DNAH8: variants seen among roughly 807,000 people sequenced by gnomAD.
DNAH8 encodes the protein axonemal beta dynein heavy chain 8.
A neutral mutation model predicts 562.1 loss-of-function variants in DNAH8; 382 were observed. The observed-to-expected ratio is 0.68, with a 90% confidence interval of 0.63 to 0.74. The LOEUF (loss-of-function observed/expected upper bound fraction) is 0.74. Among genes scored for constraint, DNAH8 ranks in the 30% least tolerant of loss-of-function variants. DNAH8 has a pLI of 0.00. For synonymous variants in DNAH8, 1,881 were observed against 1,919.4 expected, an observed-to-expected ratio of 0.98 and a Z score of 0.52; for missense variants, 5,203 against 5,620.4, an observed-to-expected ratio of 0.93 and a Z score of 2.37.
chr6:38,965,394 A>T (rs1239269433), intron 82 of DNAH8, among the ~76,000 whole-genome samples: 2 of 152,160 alleles, frequency 1.3e-5, no homozygotes, highest in Non-Finnish European at 2.9e-5. Context: ...GGGATTGTGG[A>T]TTATGCATAT....
rs181153405 is a variant in DNAH8, at chr6:38,887,625, T to C, written c.8473+621T>C. 9.6e-4 allele frequency among the ~76,000 whole-genome samples: 146 copies of C among 152,158 alleles called. 1 individual carries two copies. The highest frequency in any genetic ancestry group is 3.2e-3 in the African/African-American group (133 of 41,518). The stretch of plus-strand genomic sequence containing the variant: ...GGAAGGCTGAGGCCAGAGGATTGCT[T>C]GAGCCTAGGAGGTCAAGGCTGCAGT... On this transcript the variant is annotated intron_variant, in intron 57 of 92. Coordinates refer to ENST00000327475, the MANE Select transcript of DNAH8 (RefSeq NM_001206927.2).
chr6:38,795,819 T>C (rs1340095563), intron 21 of DNAH8, among the ~76,000 whole-genome samples: 2 of 152,254 alleles, frequency 1.3e-5, no homozygotes, highest in South Asian at 4.1e-4. Context: ...ACACAATATA[T>C]GTAACATTAA....
Position 38,931,938 on chromosome 6 carries a change from C to G in DNAH8, c.11402C>G (p.Thr3801Arg), listed in dbSNP as rs746729551. 12 of 1,610,084 alleles carry G rather than the reference C, an allele frequency of 7.5e-6. No homozygotes were observed. The South Asian group carries it at 1.1e-4, about 15-fold the overall frequency. ...ACGTCAGTCATTGATTTCACTGTTA[C>G]AATGAAAGGACTTGAGAATCAGTTA... ...AKTSVIDFTV[T>R]MKGLENQLLR... Residue 3801 changes from threonine (T) to arginine (R), a missense_variant, in exon 76 of 93, where the codon ACA (threonine) becomes AGA (arginine). By Grantham distance (71) the Thr-to-Arg change is moderately conservative. Around this residue, in one of 6 missense-constraint regions of DNAH8, gnomAD observed 1,399 missense variants for 1,518.4 expected, o/e 0.92. Coordinates refer to ENST00000327475, the MANE Select transcript of DNAH8 (RefSeq NM_001206927.2).
At chr6:38,930,032 T>C (rs1489210886) in intron 75 of DNAH8, among the ~76,000 whole-genome samples, 1 of 152,178 alleles carries the variant, frequency 6.6e-6, no homozygotes, top group Non-Finnish European at 1.5e-5. Flanking sequence ...ACTCTAGATA[T>C]TGGTTTTGCA....
intron 50 of DNAH8, 52 bp downstream of exon 50, chr6:38,872,834 C>G: frequency 6.2e-7 from 1 of 1,608,204 alleles, no homozygotes; most frequent in South Asian, 1.1e-5. Flanking sequence ...CGTATTAACA[C>G]AGTATTTTTT....
intron 54 of DNAH8, 101 bp from the exon 55 acceptor site, chr6:38,883,221 T>C: frequency 7.2e-7 from 1 of 1,381,006 alleles, no homozygotes; most frequent in Non-Finnish European, 9.7e-7. Flanking sequence ...TTATTAAAAA[T>C]TAGTTGTATT....
chr6:38,957,877 A>AC (rs1165866608), intron 82 of DNAH8, among the ~76,000 whole-genome samples: 3 of 151,268 alleles, frequency 2.0e-5, no homozygotes, highest in East Asian at 1.9e-4. Flanking sequence ...AAAAAAAAAA[A>AC]AAAAAAAAAA....
At chr6:38,997,715 A>G (rs1053682676) in intron 88 of DNAH8, among the ~76,000 whole-genome samples, 1 of 152,096 alleles carries the variant, frequency 6.6e-6, no homozygotes, top group African/African-American at 2.4e-5. Flanking sequence ...TTATCTGACC[A>G]TCCATGGTGT....
At chr6:38,729,714 T>C (rs1481611894) in intron 3 of DNAH8, among the ~76,000 whole-genome samples, 188 bp from the exon 4 acceptor site, 2 of 152,224 alleles carry the variant, frequency 1.3e-5, no homozygotes, top group Non-Finnish European at 2.9e-5. Context: ...AGGTCATTAA[T>C]GTAGGTTCAG....
At chr6:38,745,822 T>C (rs536228200) in intron 8 of DNAH8, among the ~76,000 whole-genome samples, 17 of 152,326 alleles carry the variant, frequency 1.1e-4, no homozygotes, top group African/African-American at 4.1e-4. Context: ...TGTCTGATGG[T>C]TTCTCGTGAA....
At chr6:38,736,066 A>G (rs1429098887) in intron 5 of DNAH8, among the ~76,000 whole-genome samples, 1 of 152,116 alleles carries the variant, frequency 6.6e-6, no homozygotes, top group African/African-American at 2.4e-5. Flanking sequence ...TGAGTCCCCA[A>G]GGCAGAGGTT....
intron 87 of DNAH8, among the ~76,000 whole-genome samples, chr6:38,988,678 T>C (rs1436325482): frequency 4.6e-5 from 7 of 152,164 alleles, no homozygotes; most frequent in Non-Finnish European, 1.0e-4. Context: ...GTCCACCCTA[T>C]ATTCCATTAT....
intron 4 of DNAH8, among the ~76,000 whole-genome samples, chr6:38,734,155 C>T (rs536396741): frequency 4.5e-4 from 69 of 151,732 alleles, no homozygotes; most frequent in African/African-American, 1.6e-3. Context: ...GATGTGGTGG[C>T]ACACGCATGT....
chr6:39,020,278 C>T (rs1007244875), intron 91 of DNAH8, among the ~76,000 whole-genome samples: 3 of 152,126 alleles, frequency 2.0e-5, no homozygotes. Context: ...TGACAGTCTT[C>T]TTAATATTGT....
At chr6:38,945,270 G>C (rs551930372) in intron 79 of DNAH8, among the ~76,000 whole-genome samples, 197 bp from the exon 80 acceptor site, 1 of 152,240 alleles carries the variant, frequency 6.6e-6, no homozygotes, top group East Asian at 1.9e-4. Flanking sequence ...TTATAAGATG[G>C]TATAAATCAG....
At chr6:38,867,229 A>ATGTG (rs1471483350) in intron 47 of DNAH8, among the ~76,000 whole-genome samples, 9 of 88,460 alleles carry the variant, frequency 1.0e-4, no homozygotes, top group Non-Finnish European at 4.8e-5. Context: ...TGGTGTGTGT[A>ATGTG]TATGTGTGTG....
chr6:38,866,028 A>G (rs1307765177), intron 45 of DNAH8, among the ~76,000 whole-genome samples: 1 of 152,098 alleles, frequency 6.6e-6, no homozygotes, highest in Non-Finnish European at 1.5e-5. Context: ...GTCTGTCTCT[A>G]CTTTTGTCCA....
At chr6:38,851,792 T>G (rs1775770040) in intron 39 of DNAH8, 118 bp downstream of exon 39, 2 of 710,756 alleles carry the variant, frequency 2.8e-6, no homozygotes, top group Non-Finnish European at 2.4e-6. Flanking sequence ...ACAAATTACA[T>G]TGATCATAAA....
chr6:38,887,929 T>C (rs1779073996), intron 57 of DNAH8, among the ~76,000 whole-genome samples: 1 of 147,144 alleles, frequency 6.8e-6, no homozygotes, highest in Admixed American at 7.1e-5. Context: ...CGCTGACTCC[T>C]GGGTTCAAGC....
Sources: allele counts gnomAD v4.1 joint callset (sites outside exome capture counted in the v4.1 genomes callset), GRCh38; gene constraint gnomAD v4.1.1; regional missense constraint gnomAD v4.1.1; transcripts MANE v1.5; gene names NCBI Gene and HGNC (gene_info 2026-07-23, HGNC 2026-07-21).